ESRRB: variants seen among roughly 807,000 people sequenced by gnomAD.
ESRRB encodes estrogen related receptor beta, also known as steroid hormone receptor ERR2.
A neutral mutation model predicts 46.0 loss-of-function variants in ESRRB; 16 were observed. The observed-to-expected ratio is 0.35, with a 90% CI of 0.24 to 0.53. ESRRB has a LOEUF of 0.53. ESRRB is among the 20% of genes least tolerant of loss of function. ESRRB has a pLI of 0.93. For missense variants in ESRRB, 488 were observed against 607.4 expected, an observed-to-expected ratio of 0.80 and a Z score of 2.07; for synonymous variants, 246 against 259.6, an observed-to-expected ratio of 0.95 and a Z score of 0.50.
At chr14:76,333,535 C>T (rs1468018002) in intron 1 of ESRRB, among the ~76,000 whole-genome samples, 7 of 139,852 alleles carry the variant, frequency 5.0e-5, no homozygotes, top group African/African-American at 2.0e-4. Context: ...GCTGTGTTGC[C>T]CAGGCTGGTC....
chr14:76,372,933 T>G (rs1343758841), upstream of ESRRB, among the ~76,000 whole-genome samples: 1 of 152,272 alleles, frequency 6.6e-6, no homozygotes, highest in Non-Finnish European at 1.5e-5. Flanking sequence ...AGATATTCTC[T>G]GTGTGACCTT....
intron 3 of ESRRB, among the ~76,000 whole-genome samples, chr14:76,468,500 C>T (rs912845653): frequency 1.3e-5 from 2 of 150,860 alleles, no homozygotes; most frequent in Non-Finnish European, 2.9e-5. Context: ...GCCACAATGA[C>T]CTCTGGTTGG....
chr14:76,438,505 A>C (rs535003528), intron 1 of ESRRB, among the ~76,000 whole-genome samples: 1 of 152,240 alleles, frequency 6.6e-6, no homozygotes, highest in East Asian at 1.9e-4. Flanking sequence ...CTCTATTAAA[A>C]ATACAAAAAT....
intron 1 of ESRRB, among the ~76,000 whole-genome samples, chr14:76,362,012 C>A (rs888316100): frequency 6.6e-6 from 1 of 152,180 alleles, no homozygotes; most frequent in Admixed American, 6.5e-5. Context: ...TGTGCTCTGC[C>A]CTGAGTCTGG....
At chr14:76,350,094 G>T (rs1377970139) in intron 1 of ESRRB, among the ~76,000 whole-genome samples, 2 of 152,152 alleles carry the variant, frequency 1.3e-5, no homozygotes, top group African/African-American at 4.8e-5. Flanking sequence ...CCACCAACCT[G>T]CCCCAACTTC....
intron 1 of ESRRB, among the ~76,000 whole-genome samples, chr14:76,428,919 A>AT (rs578023080): frequency 6.1e-4 from 93 of 152,150 alleles, no homozygotes; most frequent in African/African-American, 1.7e-3. Flanking sequence ...TTAATTACAG[A>AT]TTTTTGCCTG....
intron 3 of ESRRB, among the ~76,000 whole-genome samples, chr14:76,476,454 G>C (rs1889588531): frequency 6.6e-6 from 1 of 152,126 alleles, no homozygotes; most frequent in South Asian, 2.1e-4. Flanking sequence ...TCTACTTTTA[G>C]ATATTTTACT....
intron 1 of ESRRB, among the ~76,000 whole-genome samples, chr14:76,411,481 C>T (rs1013050118): frequency 3.3e-5 from 5 of 151,998 alleles, no homozygotes; most frequent in Non-Finnish European, 7.4e-5. Context: ...CTTGCAAGGG[C>T]ATCTTTACTA....
intron 5 of ESRRB, among the ~76,000 whole-genome samples, chr14:76,484,510 C>T (rs1433663778): frequency 6.6e-6 from 1 of 152,210 alleles, no homozygotes; most frequent in Non-Finnish European, 1.5e-5. Flanking sequence ...CTGCCCCCGC[C>T]CCACACTCCT....
In ESRRB at chr14:76,487,610, T is replaced by C. The variant is rs145527656; in HGVS notation, c.851-3837T>C. Among the ~76,000 whole-genome samples the C allele has an allele frequency of 7.9e-4, 120 of 152,308 alleles. 1 individual carries two copies. The highest frequency in any genetic ancestry group is 2.8e-3 in the African/African-American group (115 of 41,554). The stretch of plus-strand genomic sequence containing the variant: ...TTTTCTTTCTAGGATAAATTTCTTT[T>C]TTTTTCTTTTTGAGCCAGGATCTCG... On this transcript the variant is annotated intron_variant, in intron 5 of 6. Transcript: ENST00000644823.
rs1285581658 is a variant in ESRRB, at chr14:76,475,845, GTTTT to G, written c.578-6168_578-6165del. ...ACCATTTTACTTTTCCAGCAGCATT[GTTTT>G]TTAAGTTTTTAATTAAACTTCTTAT... On this transcript the variant is annotated intron_variant, in intron 3 of 6. Coordinates refer to ENST00000644823, the MANE Select transcript of ESRRB (RefSeq NM_001379180.1). 2.6e-5 allele frequency among the ~76,000 whole-genome samples: 4 copies of G among 152,206 alleles called. No individual in the cohort carries two copies. The East Asian group carries it at 7.7e-4, about 29-fold the overall frequency.
chr14:76,343,628 T>A (rs1483841299), intron 1 of ESRRB, among the ~76,000 whole-genome samples: 1 of 152,188 alleles, frequency 6.6e-6, no homozygotes, highest in Non-Finnish European at 1.5e-5. Flanking sequence ...GGGCCTCAGT[T>A]CTTCTCCACG....
Position 76,376,309 on chromosome 14 carries a change from CG to C in ESRRB, c.-90del. The C allele has an allele frequency of 2.0e-6, 2 of 1,017,390 alleles. No individual in the cohort carries two copies. The highest frequency in any genetic ancestry group is 2.5e-6 in the Non-Finnish European group (2 of 792,408). The allele number at this position is 1,017,390 out of a possible 1,614,324, so 63.0% of individuals were successfully genotyped here. A position where few individuals can be genotyped will look rare whatever the true frequency, so the allele number is the denominator to read the frequency against. ...GTTCTCGCGCTCACTGTGCCCTGCC[CG>C]GGCTCGCACCTTGCCCGTGCCCTTC... On this transcript the variant is annotated 5_prime_UTR_variant, in exon 1 of 7. It introduces an in-frame stop codon into an upstream open reading frame of the 5' UTR. Transcript: ENST00000644823. The surrounding 1 kb of genome is among the most constrained non-coding windows in gnomAD (Gnocchi z 4.1).
intron 2 of ESRRB, among the ~76,000 whole-genome samples, chr14:76,441,197 C>G (rs530009718): frequency 3.9e-5 from 6 of 152,194 alleles, no homozygotes; most frequent in Non-Finnish European, 8.8e-5. Flanking sequence ...GAACGACAGT[C>G]GCTGCCACCA....
chr14:76,355,991 C>T (rs1884374933), intron 1 of ESRRB, among the ~76,000 whole-genome samples: 1 of 152,170 alleles, frequency 6.6e-6, no homozygotes, highest in South Asian at 2.1e-4. Context: ...TCTCTGGGCT[C>T]CAGCCAAGTG....
chr14:76,442,274 G>A (rs1887951555), intron 2 of ESRRB, among the ~76,000 whole-genome samples: 1 of 152,138 alleles, frequency 6.6e-6, no homozygotes, highest in Non-Finnish European at 1.5e-5. Flanking sequence ...TCAGGAGTTG[G>A]AGACCAGCCT....
At chr14:76,438,651 G>A (rs1288047578) in intron 1 of ESRRB, among the ~76,000 whole-genome samples, 6 of 149,866 alleles carry the variant, frequency 4.0e-5, no homozygotes, top group South Asian at 4.3e-4. Flanking sequence ...GCGACGGAGC[G>A]AGACTCCATC....
At chr14:76,469,655 G>T (rs527521892) in intron 3 of ESRRB, among the ~76,000 whole-genome samples, 1 of 152,040 alleles carries the variant, frequency 6.6e-6, no homozygotes, top group Admixed American at 6.6e-5. Context: ...GATGACAGGG[G>T]TGGGTCACCA....
At chr14:76,416,263 A>G (rs1442085281) in intron 1 of ESRRB, among the ~76,000 whole-genome samples, 1 of 151,310 alleles carries the variant, frequency 6.6e-6, no homozygotes, top group Non-Finnish European at 1.5e-5. Flanking sequence ...CAGCCCTCCA[A>G]GTAGCTGGGC....
Sources: gnomAD v4.1 joint callset for allele counts (sites outside exome capture counted in the v4.1 genomes callset) on GRCh38, gnomAD v4.1.1 for gene constraint, Gnocchi (gnomAD v3.1) non-coding constraint, MANE v1.5 for transcripts, NCBI Gene and HGNC (gene_info 2026-07-23, HGNC 2026-07-21) for gene names.